The following TAS2R1 variants were observed in gnomAD, a reference collection of about 807,000 sequenced individuals.
The protein encoded by TAS2R1 is taste receptor type 2 member 1.
For synonymous variants in TAS2R1, 141 were observed against 134.2 expected (o/e 1.05, Z -0.35); for missense variants, 370 against 353.4 (o/e 1.05, Z -0.38).
chr5:9,869,181 A>G, the TAS2R1 span, among the ~76,000 whole-genome samples: 1 of 152,182 alleles, frequency 6.6e-6, no homozygotes, highest in Non-Finnish European at 1.5e-5. Flanking sequence ...GTATCTTTAC[A>G]GCAGCGTTCA....
At chr5:9,884,244 G>A in the TAS2R1 span, among the ~76,000 whole-genome samples, 12 of 151,950 alleles carry the variant, frequency 7.9e-5, no homozygotes, top group Admixed American at 5.2e-4. Flanking sequence ...GGGAGGCGGA[G>A]GTGGGTGGAT....
At chr5:9,643,461 G>A (rs1379044630) in intron 2 of TAS2R1, among the ~76,000 whole-genome samples, 1 of 152,152 alleles carries the variant, frequency 6.6e-6, no homozygotes, top group Non-Finnish European at 1.5e-5. Flanking sequence ...TACCATGAAT[G>A]GAGCTTGCAG....
chr5:9,644,619 A>G (rs1579765473), intron 2 of TAS2R1, among the ~76,000 whole-genome samples: 1 of 152,310 alleles, frequency 6.6e-6, no homozygotes. Context: ...TGTGGGAACT[A>G]TCAAGTTTGG....
At position 9,629,851 on chromosome 5, in the gene TAS2R1, A is replaced by G; in HGVS notation, c.182T>C (p.Phe61Ser). The change falls in exon 1 of 1, where the codon TTC becomes TCC. Residue 61 changes from phenylalanine (F) to serine (S), a missense_variant. Transcript: ENST00000382492. ...AACAATCACATTAACGTAGAAGATG[A>G]ACAACTGCAGAAAAATTCTAGAAAC... Reference protein sequence around the residue: ...LAVSRIFLQLFIFYVNVIVIF... With the variant: ...LAVSRIFLQLSIFYVNVIVIF... The G allele has an allele frequency of 1.2e-6, 2 of 1,613,584 alleles. No individual in the cohort carries two copies. Among genetic ancestry groups the G allele is most frequent in the South Asian group, 2.2e-5 (2 of 90,984 alleles).
Position 9,640,497 on chromosome 5 carries a change from T to TAAAAAAAAAAAAAAAA in TAS2R1, c.-80-10521_-80-10506dup, listed in dbSNP as rs56140715. ...GAATTGCCACAAACCTTCAATTCCT[T>TAAAAAAAAAAAAAAAA]AAAAAAAAAAAAAAAAAAAAAAAAA... is the stretch of plus-strand genomic sequence containing the variant. On this transcript the variant is annotated intron_variant, in intron 2 of 2. Transcript: ENST00000506620. Among the ~76,000 whole-genome samples, 4 of 59,032 alleles carry TAAAAAAAAAAAAAAAA rather than the reference T, an allele frequency of 6.8e-5. 1 individual carries two copies. The highest frequency in any genetic ancestry group is 3.3e-4 in the African/African-American group (4 of 12,098). 38.7% of individuals were successfully genotyped at this position (59,032 alleles called of 152,430 possible). A position where few individuals can be genotyped will look rare whatever the true frequency, so the allele number is the denominator to read the frequency against.
At chr5:9,739,167 C>T in the TAS2R1 span, among the ~76,000 whole-genome samples, 2 of 152,138 alleles carry the variant, frequency 1.3e-5, no homozygotes, top group African/African-American at 4.8e-5. Context: ...CTGATAGTCC[C>T]GTATTCATAA....
intron 1 of TAS2R1, among the ~76,000 whole-genome samples, chr5:9,663,684 G>A (rs965764909): frequency 1.1e-4 from 16 of 152,162 alleles, no homozygotes; most frequent in Admixed American, 6.6e-4. Flanking sequence ...GTCCTTGTAA[G>A]GAGTTGAATG....
chr5:9,848,476 T>C, the TAS2R1 span, among the ~76,000 whole-genome samples: 1 of 152,198 alleles, frequency 6.6e-6, no homozygotes, highest in Non-Finnish European at 1.5e-5. Flanking sequence ...ATTAAGGGTA[T>C]GAAGTTTCAG....
the TAS2R1 span, among the ~76,000 whole-genome samples, chr5:9,741,552 GA>G: frequency 1.3e-5 from 2 of 152,134 alleles, no homozygotes; most frequent in African/African-American, 4.8e-5. Context: ...GAAAATAAAA[GA>G]AAGATTTACA....
At position 9,629,427 on chromosome 5, in the gene TAS2R1, C is replaced by T; in HGVS notation, c.606G>A (p.Gly202=). The change falls in exon 1 of 1, where the codon GGG becomes GGA. Residue 202 remains glycine (G), a synonymous_variant. Coordinates refer to ENST00000382492, the MANE Select transcript of TAS2R1 (RefSeq NM_019599.3). ...TGTTTCTCATTTGCCGGGTGTGCCT[C>T]CCCAGAGAGAAAATCAAGAGCAAAA... ...FAVLLLIFSL[G]RHTRQMRNTV... is the part of the protein sequence containing the mutation. 6.2e-7 allele frequency: 1 copy of T among 1,614,062 alleles called. No individual in the cohort carries two copies. Among genetic ancestry groups the T allele is most frequent in the Admixed American group, 1.7e-5 (1 of 60,010 alleles).
the TAS2R1 span, among the ~76,000 whole-genome samples, chr5:9,893,337 A>G: frequency 6.7e-6 from 1 of 150,372 alleles, no homozygotes; most frequent in African/African-American, 2.5e-5. Flanking sequence ...TTTGTCCATT[A>G]TCTTGTATAT....
At chr5:9,722,525 C>T in the TAS2R1 span, among the ~76,000 whole-genome samples, 1 of 152,136 alleles carries the variant, frequency 6.6e-6, no homozygotes, top group Non-Finnish European at 1.5e-5. Context: ...TCCTTTGGAG[C>T]AGGGGTTGTT....
the TAS2R1 span, among the ~76,000 whole-genome samples, chr5:9,782,807 G>A: frequency 6.6e-6 from 1 of 152,114 alleles, no homozygotes; most frequent in Non-Finnish European, 1.5e-5. Context: ...CTTATAAAAA[G>A]CATTCTTTGG....
the TAS2R1 span, among the ~76,000 whole-genome samples, chr5:9,735,635 C>T: frequency 6.6e-6 from 1 of 152,144 alleles, no homozygotes; most frequent in Non-Finnish European, 1.5e-5. Context: ...ACTCCACAGG[C>T]CACACCCCCC....
chr5:9,843,664 T>C, the TAS2R1 span, among the ~76,000 whole-genome samples: 1 of 152,232 alleles, frequency 6.6e-6, no homozygotes, highest in African/African-American at 2.4e-5. Flanking sequence ...TTTCAGGCTA[T>C]AGACTTAATA....
chr5:9,718,101 A>G, the TAS2R1 span, among the ~76,000 whole-genome samples: 208 of 151,068 alleles, frequency 1.4e-3, 3 homozygotes, highest in Middle Eastern at 0.021. Context: ...CTGGGACCAC[A>G]GGCACACGCC....
At chr5:9,784,303 C>T in the TAS2R1 span, among the ~76,000 whole-genome samples, 7 of 152,300 alleles carry the variant, frequency 4.6e-5, no homozygotes, top group African/African-American at 1.7e-4. Context: ...ACAGAGGACA[C>T]TACTGAGAGC....
chr5:9,802,780 G>A, the TAS2R1 span, among the ~76,000 whole-genome samples: 2 of 152,164 alleles, frequency 1.3e-5, no homozygotes, highest in African/African-American at 4.8e-5. Context: ...GCGGGCATCT[G>A]TAGTCCCAGC....
chr5:9,642,817 A>G (rs1215293365), intron 2 of TAS2R1, among the ~76,000 whole-genome samples: 1 of 152,222 alleles, frequency 6.6e-6, no homozygotes, highest in Non-Finnish European at 1.5e-5. Context: ...AGTTACAATG[A>G]GGAAACAGAA....
Sources: allele counts gnomAD v4.1 joint callset (sites outside exome capture counted in the v4.1 genomes callset), GRCh38; gene constraint gnomAD v4.1.1; transcripts MANE v1.5; gene names NCBI Gene and HGNC (gene_info 2026-07-23, HGNC 2026-07-21).